Variants in SEMA4B observed in about 807,000 individuals in gnomAD.
The protein encoded by SEMA4B is semaphorin-4B.
A neutral mutation model predicts 88.1 loss-of-function variants in SEMA4B; 55 were observed. That is an observed-to-expected ratio of 0.62 (90% CI 0.50 to 0.78). SEMA4B has a LOEUF of 0.78. Ranked by LOEUF, SEMA4B falls within the 30% of genes least tolerant of loss-of-function variation. SEMA4B has a pLI of 0.00. For missense variants in SEMA4B, 1,062 were observed against 1,111.9 expected (o/e 0.96, Z 0.64); for synonymous variants, 525 against 473.6 (o/e 1.11, Z -1.41).
chr15:90,228,003 A>T lies in SEMA4B; in HGVS notation c.1874A>T (p.Asn625Ile). Residue 625 changes from asparagine to isoleucine, a missense_variant, in exon 14 of 14, where the codon AAC becomes ATC. By Grantham distance (149) the Asn-to-Ile change is moderately radical (BLOSUM62 -3). Transcript: ENST00000411539. ...CTGGCGACCCGACTCTGGCTACGCA[A>T]CGGGGCCCCCGTCAATGCCTCGGCC... Reference protein sequence around the residue: ...SNLATRLWLRNGAPVNASASC... With the variant: ...SNLATRLWLRIGAPVNASASC... 1.2e-6 allele frequency: 2 copies of T among 1,613,880 alleles called. No individual in the cohort carries two copies. Among genetic ancestry groups the T allele is most frequent in the Middle Eastern group, 3.3e-4 (2 of 6,062 alleles).
chr15:90,221,911 T>A, intron 7 of SEMA4B, 146 bp downstream of exon 7: 1 of 664,880 alleles, frequency 1.5e-6, no homozygotes, highest in Non-Finnish European at 2.4e-6. Context: ...CCTTTTAAAT[T>A]AAAATATCTT....
chr15:90,223,535 C>T, intron 7 of SEMA4B, 24 bp from the exon 8 acceptor site: 3 of 1,551,244 alleles, frequency 1.9e-6, no homozygotes, highest in Non-Finnish European at 1.7e-6. Context: ...TGCCTAAGCC[C>T]AGCCCATCCG....
At chr15:90,194,978 A>T (rs1411896816) in intron 1 of SEMA4B, among the ~76,000 whole-genome samples, 1 of 152,228 alleles carries the variant, frequency 6.6e-6, no homozygotes, top group African/African-American at 2.4e-5. Context: ...ATAGCTAAAA[A>T]AATGAAGAAT....
upstream of SEMA4B, among the ~76,000 whole-genome samples, chr15:90,196,767 G>T (rs564805536): frequency 1.3e-5 from 2 of 152,198 alleles, no homozygotes; most frequent in Non-Finnish European, 2.9e-5. Flanking sequence ...GATTACAGGC[G>T]TGAGCCACTG....
At chr15:90,216,617 G>A (rs28681010) in intron 1 of SEMA4B, among the ~76,000 whole-genome samples, 55,980 of 151,948 alleles carry the variant, frequency 0.37, 10,707 homozygotes, top group African/African-American at 0.46. Flanking sequence ...GCTGACGCGG[G>A]CAGATCACTT....
Position 90,228,218 on chromosome 15 carries a change from C to T in SEMA4B, c.2089C>T (p.Arg697Cys), listed in dbSNP as rs1273084285. 13 of 1,607,140 alleles carry T rather than the reference C, an allele frequency of 8.1e-6. No homozygotes were observed. The highest frequency in any genetic ancestry group is 1.3e-5 in the African/African-American group (1 of 74,998). ...GSVPVIISTS[R>C]VSAPAGGKAS... ...TGTACCCGTCATTATCAGCACATCG[C>T]GTGTGAGTGCACCAGCTGGTGGCAA... Residue 697 changes from arginine (R) to cysteine (C), a missense_variant, in exon 14 of 14, where the codon CGT (arginine) becomes TGT (cysteine). Transcript: ENST00000411539.
At chr15:90,225,566 TG>T (rs964738712) in intron 11 of SEMA4B, 94 bp from the exon 12 acceptor site, 2 of 1,418,690 alleles carry the variant, frequency 1.4e-6, no homozygotes, top group Admixed American at 4.1e-5. Flanking sequence ...ACAGGCCTCT[TG>T]GGGGTGGCTC....
intron 5 of SEMA4B, 129 bp from the exon 6 acceptor site, chr15:90,221,238 T>C: frequency 8.7e-7 from 1 of 1,144,378 alleles, no homozygotes; most frequent in Non-Finnish European, 1.3e-6. Flanking sequence ...GGTTTGGTTT[T>C]TCCAAGTTCC....
At chr15:90,189,082 T>G (rs571812383) in intron 1 of SEMA4B, among the ~76,000 whole-genome samples, 9 of 151,214 alleles carry the variant, frequency 6.0e-5, no homozygotes, top group Non-Finnish European at 1.2e-4. Flanking sequence ...AGGCAGCAAG[T>G]GCACAAGAAA....
chr15:90,226,665 A>C (rs185901341), intron 12 of SEMA4B, among the ~76,000 whole-genome samples: 1 of 152,264 alleles, frequency 6.6e-6, no homozygotes, highest in East Asian at 1.9e-4. Context: ...TTTATATAAC[A>C]TTGGCAACTG....
chr15:90,217,436 C>T lies in SEMA4B; in HGVS notation c.158-3C>T. The T allele has an allele frequency of 6.2e-7, 1 of 1,612,120 alleles. No individual in the cohort carries two copies. On this transcript the variant is annotated splice_polypyrimidine_tract_variant and splice_region_variant and intron_variant, in intron 1 of 13. Transcript: ENST00000411539. ...CAGGTAATACCCATCTTCCTCTCCC[C>T]AGGCTCTGAAGAGCGGCCATTCCTC... is the stretch of plus-strand genomic sequence containing the variant.
At chr15:90,188,798 G>T (rs1960256605) in intron 1 of SEMA4B, among the ~76,000 whole-genome samples, 1 of 151,898 alleles carries the variant, frequency 6.6e-6, no homozygotes, top group South Asian at 2.1e-4. Context: ...CTCCCGAGTA[G>T]CTGGGACTAC....
rs534529813 is a variant in SEMA4B, at chr15:90,225,924, C to T, written c.1688+97C>T. 7.8e-5 allele frequency: 73 copies of T among 932,814 alleles called. 2 individuals carry two copies. The highest frequency in any genetic ancestry group is 6.8e-4 in the Middle Eastern group (3 of 4,410). 57.8% of individuals were successfully genotyped at this position (932,814 alleles called of 1,614,324 possible). The stretch of plus-strand genomic sequence containing the variant: ...CCTCCTTGGGACCGCCACACAGCCT[C>T]GTTTATGTCCACTGTCTCAGCATAA... On this transcript the variant is annotated intron_variant, in intron 12 of 13. Transcript: ENST00000411539.
chr15:90,188,278 C>T (rs528006174), intron 1 of SEMA4B, among the ~76,000 whole-genome samples: 6 of 152,192 alleles, frequency 3.9e-5, no homozygotes, highest in African/African-American at 1.4e-4. Flanking sequence ...CATCAATCAT[C>T]CTGCCACTGC....
intron 1 of SEMA4B, among the ~76,000 whole-genome samples, chr15:90,191,235 C>CACAGCGG (rs1168788791): frequency 2.0e-5 from 3 of 152,308 alleles, no homozygotes. Context: ...GGCTCCTCAC[C>CACAGCGG]ACAGCGGACG....
chr15:90,225,505 G>A, intron 11 of SEMA4B, 108 bp downstream of exon 11: 2 of 1,313,720 alleles, frequency 1.5e-6, no homozygotes, highest in East Asian at 2.5e-5. Flanking sequence ...AGGATGGAAA[G>A]ATAAAGGATC....
rs1157027079 is a variant in SEMA4B at position 90,228,377 on chromosome 15, C to G, written c.2248C>G (p.Gln750Glu). ...GAACAGCATGAAAGTCTTCCTGAAG[C>G]AGGGGGAATGTGCCAGCGTGCACCC... Reference protein sequence around the residue: ...HRNSMKVFLKQGECASVHPKT... With the variant: ...HRNSMKVFLKEGECASVHPKT... The change falls in exon 14 of 14, where the codon CAG (glutamine) becomes GAG (glutamate). Residue 750 changes from glutamine to glutamate, a missense_variant. Transcript: ENST00000411539. The G allele has an allele frequency of 6.3e-7, 1 of 1,599,494 alleles. No homozygotes were observed. The highest frequency in any genetic ancestry group is 8.5e-7 in the Non-Finnish European group (1 of 1,172,560).
At chr15:90,210,003 C>T (rs1446950985) in intron 1 of SEMA4B, among the ~76,000 whole-genome samples, 1 of 152,084 alleles carries the variant, frequency 6.6e-6, no homozygotes, top group Non-Finnish European at 1.5e-5. Context: ...TAGCAGCTGG[C>T]CTGGAGATGG....
At chr15:90,188,161 A>G (rs140638999) in intron 1 of SEMA4B, among the ~76,000 whole-genome samples, 1,928 of 152,040 alleles carry the variant, frequency 0.013, 46 homozygotes, top group African/African-American at 0.043. Flanking sequence ...TCTACAAAAA[A>G]TACAAAAATT....
Sources: gnomAD v4.1 joint callset for allele counts (sites outside exome capture counted in the v4.1 genomes callset) on GRCh38, gnomAD v4.1.1 for gene constraint, MANE v1.5 for transcripts, NCBI Gene and HGNC (gene_info 2026-07-23, HGNC 2026-07-21) for gene names.